SREK1: variants seen among roughly 807,000 people sequenced by gnomAD.
SREK1 encodes splicing regulatory glutamine/lysine-rich protein 1.
A neutral mutation model predicts 66.5 loss-of-function variants in SREK1; 13 were observed. That is an observed-to-expected ratio of 0.20 (90% confidence interval 0.13 to 0.31). The LOEUF (loss-of-function observed/expected upper bound fraction) is 0.31, where lower values mean the gene tolerates loss of function less well. Ranked by LOEUF, SREK1 falls within the 10% of genes least tolerant of loss-of-function variation. SREK1 has a pLI of 1.00. For missense variants in SREK1, 607 were observed against 769.6 expected, an observed-to-expected ratio of 0.79 and a Z score of 2.50; for synonymous variants, 265 against 263.5, an observed-to-expected ratio of 1.01 and a Z score of -0.05.
Position 66,175,045 on chromosome 5 carries a change from G to T in SREK1, c.1580+4G>T. The stretch of plus-strand genomic sequence containing the variant: ...CTAGATCTCCGTCCCCCAGGAGGTA[G>T]GTTGGGAGCTTGTGCTAAAACTAAA... On this transcript the variant is annotated splice_donor_region_variant and intron_variant, in intron 10 of 11. Coordinates refer to ENST00000334121, the MANE Select transcript of SREK1 (RefSeq NM_001077199.3). 1 of 1,607,678 alleles carries T rather than the reference G, an allele frequency of 6.2e-7. No individual in the cohort carries two copies. Among genetic ancestry groups the T allele is most frequent in the South Asian group, 1.1e-5 (1 of 89,626 alleles).
chr5:66,156,047 A>G lies in SREK1; in HGVS notation c.295+2451A>G, dbSNP rs2111983538. ...TGGTTTTGTATGTTTTCTCTATGTG[A>G]TATTTGTGCATTATTAGATGACTAG... On this transcript the variant is annotated intron_variant, in intron 2 of 11. Coordinates refer to ENST00000334121, the MANE Select transcript of SREK1 (RefSeq NM_001077199.3). 2.6e-6 allele frequency: 4 copies of G among 1,533,394 alleles called. No individual in the cohort carries two copies. In the South Asian group the frequency reaches 4.8e-5, roughly 18 times the overall value. The allele number at this position is 1,533,394 out of a possible 1,614,324, so 95.0% of individuals were successfully genotyped here.
intron 5 of SREK1, 163 bp downstream of exon 5, chr5:66,162,755 G>A (rs898896395): frequency 5.2e-6 from 3 of 581,836 alleles, no homozygotes; most frequent in Non-Finnish European, 8.4e-6. Context: ...TACCATTTTA[G>A]TCTTTAAATT....
At chr5:66,177,127 A>G (rs1440076764) in intron 10 of SREK1, among the ~76,000 whole-genome samples, 1 of 152,112 alleles carries the variant, frequency 6.6e-6, no homozygotes, top group Non-Finnish European at 1.5e-5. Flanking sequence ...GTAATTGACC[A>G]ATCATTTGAT....
intron 1 of SREK1, among the ~76,000 whole-genome samples, chr5:66,147,367 A>C (rs1030876642): frequency 2.0e-5 from 3 of 152,078 alleles, no homozygotes; most frequent in East Asian, 3.8e-4. Context: ...TTTTTCAGTA[A>C]ATTTTTCATT....
At chr5:66,161,084 T>C (rs1222857406) in intron 3 of SREK1, among the ~76,000 whole-genome samples, 3 of 152,210 alleles carry the variant, frequency 2.0e-5, no homozygotes, top group African/African-American at 4.8e-5. Context: ...AGATATATTT[T>C]CTTAGGTAAA....
intron 3 of SREK1, 76 bp from the exon 4 acceptor site, chr5:66,162,033 T>C (rs1561503732): frequency 4.6e-6 from 7 of 1,511,412 alleles, no homozygotes; most frequent in Non-Finnish European, 5.3e-6. Context: ...TTCATTCTTT[T>C]CAAGATTAGA....
At chr5:66,164,485 TG>T in intron 6 of SREK1, 1 of 975,826 alleles carries the variant, frequency 1.0e-6, no homozygotes, top group Non-Finnish European at 1.4e-6. Flanking sequence ...GCAGAATAAG[TG>T]GAGAAAGGAC....
intron 10 of SREK1, 115 bp downstream of exon 10, chr5:66,175,156 G>T: frequency 2.5e-6 from 2 of 787,654 alleles, no homozygotes; most frequent in Non-Finnish European, 3.9e-6. Context: ...TAATACATAT[G>T]CATTATTCAG....
In SREK1 at chr5:66,144,405, G is replaced by T. The variant is rs1020171049; in HGVS notation, c.29G>T (p.Gly10Val). 1.9e-6 allele frequency: 3 copies of T among 1,550,898 alleles called. No homozygotes were observed. The highest frequency in any genetic ancestry group is 2.0e-5 in the Admixed American group (1 of 50,972). The change falls in exon 1 of 12, where the codon GGC becomes GTC. Residue 10 changes from glycine (G) to valine (V), a missense_variant. By Grantham distance (109) the Gly-to-Val change is moderately radical. Coordinates refer to ENST00000334121, the MANE Select transcript of SREK1 (RefSeq NM_001077199.3). MNSGGGFGL[G>V]LGFGLTPTSV... is the part of the protein sequence containing the mutation. Reference sequence around the variant, plus strand: ...AACAGCGGCGGCGGCTTCGGTTTGGGCTTAGGCTTCGGCCTCACCCCCACG... The same window carrying T: ...AACAGCGGCGGCGGCTTCGGTTTGGTCTTAGGCTTCGGCCTCACCCCCACG...
chr5:66,178,663 A>G lies in SREK1; in HGVS notation c.1726-56A>G, dbSNP rs73109315. The G allele has an allele frequency of 2.9e-3, 4,187 of 1,456,850 alleles. 109 individuals are homozygous for G. The African/African-American group carries it at 0.054, about 19-fold the overall frequency. The allele number at this position is 1,456,850 out of a possible 1,614,324, so 90.2% of individuals were successfully genotyped here. A position where few individuals can be genotyped will look rare whatever the true frequency, so the allele number is the denominator to read the frequency against. ...GATAAAGTTTCACATTTTTGTCGTC[A>G]TAGCAGGCAGTTCTTGAGGAAAATA... On this transcript the variant is annotated intron_variant, in intron 11 of 11. Transcript: ENST00000334121.
intron 2 of SREK1, among the ~76,000 whole-genome samples, chr5:66,154,733 G>T (rs1455247065): frequency 1.3e-5 from 2 of 152,202 alleles, no homozygotes; most frequent in African/African-American, 2.4e-5. Flanking sequence ...GATAAATTTG[G>T]AAGTGTCTTT....
intron 3 of SREK1, among the ~76,000 whole-genome samples, 172 bp from the exon 4 acceptor site, chr5:66,161,937 C>G (rs1744807858): frequency 6.6e-6 from 1 of 152,142 alleles, no homozygotes; most frequent in African/African-American, 2.4e-5. Context: ...ACATTTAAAA[C>G]TAATGTGACC....
intron 7 of SREK1, chr5:66,166,785 A>G (rs996135463): frequency 6.6e-6 from 1 of 152,170 alleles, no homozygotes; most frequent in Non-Finnish European, 1.5e-5. Flanking sequence ...ATATACATAC[A>G]TACATACTTT....
chr5:66,176,901 G>A (rs1014651350), intron 10 of SREK1, among the ~76,000 whole-genome samples: 1 of 151,964 alleles, frequency 6.6e-6, no homozygotes, highest in African/African-American at 2.4e-5. Context: ...CAGCAGAGGG[G>A]TCTTTTGTTT....
At chr5:66,165,726 A>G (rs1487154211) in intron 7 of SREK1, 1 of 152,182 alleles carries the variant, frequency 6.6e-6, no homozygotes, top group Non-Finnish European at 1.5e-5. Context: ...TTATGTGTAC[A>G]TACGTACTCC....
At chr5:66,164,939 T>G (rs769875940) in intron 7 of SREK1, 42 bp downstream of exon 7, 1 of 1,538,696 alleles carries the variant, frequency 6.5e-7, no homozygotes. Flanking sequence ...ATTTTAGTTT[T>G]GTATTTAAAA....
chr5:66,147,842 T>A (rs1190623642), intron 1 of SREK1, among the ~76,000 whole-genome samples: 1 of 152,308 alleles, frequency 6.6e-6, no homozygotes, highest in South Asian at 2.1e-4. Context: ...AATTGTATAG[T>A]GCTATCATTA....
At chr5:66,148,012 A>G (rs1254717641) in intron 1 of SREK1, among the ~76,000 whole-genome samples, 1 of 151,870 alleles carries the variant, frequency 6.6e-6, no homozygotes, top group Non-Finnish European at 1.5e-5. Context: ...CTATTGTTGG[A>G]TATTTTGATT....
At chr5:66,157,353 T>G in intron 2 of SREK1, 2 of 982,842 alleles carry the variant, frequency 2.0e-6, no homozygotes, top group Non-Finnish European at 2.4e-6. Context: ...CAATAGGTAG[T>G]TTTACTTATT....
Sources: allele counts gnomAD v4.1 joint callset (sites outside exome capture counted in the v4.1 genomes callset), GRCh38; gene constraint gnomAD v4.1.1; transcripts MANE v1.5; gene names NCBI Gene and HGNC (gene_info 2026-07-23, HGNC 2026-07-21).